OR14J1: variants seen among roughly 807,000 people sequenced by gnomAD.
The protein encoded by OR14J1 is olfactory receptor family 14 subfamily J member 1.
For synonymous variants in OR14J1, 140 were observed against 146.7 expected (o/e 0.95, Z 0.33); for missense variants, 378 against 393.4 (o/e 0.96, Z 0.33).
chr6:29,303,134 A>G (rs1203142441), intron 1 of OR14J1, among the ~76,000 whole-genome samples: 1 of 152,268 alleles, frequency 6.6e-6, no homozygotes, highest in Non-Finnish European at 1.5e-5. Flanking sequence ...GTAGTGCTCG[A>G]AACAGCAGAC....
At chr6:29,301,829 T>G (rs1161939896) in intron 1 of OR14J1, 42 bp downstream of exon 1, 3 of 152,166 alleles carry the variant, frequency 2.0e-5, no homozygotes, top group Non-Finnish European at 4.4e-5. Context: ...TTATCCAACA[T>G]TTATGTAGCA....
rs1024906904 is a variant in OR14J1 at position 29,309,132 on chromosome 6, T to C, written c.*1477T>C. ...AGTGAGAACATGCAATGTTTAGTTT[T>C]ATGTTCTTGTGTTAGTTTGCTGAGA... On this transcript the variant is annotated 3_prime_UTR_variant, in exon 2 of 2. Coordinates refer to ENST00000641895, the MANE Select transcript of OR14J1 (RefSeq NM_030946.2). The C allele has an allele frequency of 2.6e-5, 4 of 152,242 alleles. No homozygotes were observed. The highest frequency in any genetic ancestry group is 7.2e-5 in the African/African-American group (3 of 41,460). The allele number at this position is 152,242 out of a possible 1,614,324, so 9.4% of individuals were successfully genotyped here. A position where few individuals can be genotyped will look rare whatever the true frequency, so the allele number is the denominator to read the frequency against.
chr6:29,307,665 C>G lies in OR14J1; in HGVS notation c.*10C>G. On this transcript the variant is annotated 3_prime_UTR_variant, in exon 2 of 2. Coordinates refer to ENST00000641895, the MANE Select transcript of OR14J1 (RefSeq NM_030946.2). ...CATGTTTAAACTCTGAAGAACCATA[C>G]AAATGAAAGGCATTGTTATTATGTT... 1 of 1,434,154 alleles carries G rather than the reference C, an allele frequency of 7.0e-7. No individual in the cohort carries two copies. The highest frequency in any genetic ancestry group is 1.8e-4 in the Middle Eastern group (1 of 5,626). 88.8% of individuals were successfully genotyped at this position (1,434,154 alleles called of 1,614,324 possible). A position where few individuals can be genotyped will look rare whatever the true frequency, so the allele number is the denominator to read the frequency against.
At position 29,308,209 on chromosome 6, in the gene OR14J1, T is replaced by C. The variant is rs999879697; in HGVS notation, c.*554T>C. ...GAACAATAAATTTAGGAAGGATTAG[T>C]TAATTTTCCTGAGATTTCTCAAATA... On this transcript the variant is annotated 3_prime_UTR_variant, in exon 2 of 2. Transcript: ENST00000641895. The C allele has an allele frequency of 1.3e-5, 2 of 152,156 alleles. No individual in the cohort carries two copies. The highest frequency in any genetic ancestry group is 4.8e-5 in the African/African-American group (2 of 41,454). The allele number at this position is 152,156 out of a possible 1,614,324, so 9.4% of individuals were successfully genotyped here.
chr6:29,302,159 A>ATTTTTTTCT (rs1554296971), intron 1 of OR14J1, among the ~76,000 whole-genome samples: 4 of 115,576 alleles, frequency 3.5e-5, no homozygotes, highest in East Asian at 4.9e-4. Flanking sequence ...ATGAGGGGAG[A>ATTTTTTTCT]TTTTTTTTCT....
At chr6:29,302,635 T>C (rs2151187274) in intron 1 of OR14J1, among the ~76,000 whole-genome samples, 1 of 152,236 alleles carries the variant, frequency 6.6e-6, no homozygotes, top group East Asian at 1.9e-4. Context: ...GTTAGAGAAG[T>C]CACAATGATA....
At chr6:29,301,991 A>G (rs1370754053) in intron 1 of OR14J1, among the ~76,000 whole-genome samples, 5 of 152,144 alleles carry the variant, frequency 3.3e-5, no homozygotes, top group African/African-American at 1.2e-4. Context: ...TATAAAGCAT[A>G]AAAAAGTTAG....
Position 29,310,531 on chromosome 6 carries a change from T to C in OR14J1, c.*2876T>C, listed in dbSNP as rs1192154265. 6.6e-6 allele frequency: 1 copy of C among 152,234 alleles called. No individual in the cohort carries two copies. The highest frequency in any genetic ancestry group is 1.5e-5 in the Non-Finnish European group (1 of 68,048). The allele number at this position is 152,234 out of a possible 1,614,324, so 9.4% of individuals were successfully genotyped here. On this transcript the variant is annotated 3_prime_UTR_variant, in exon 2 of 2. Coordinates refer to ENST00000641895, the MANE Select transcript of OR14J1 (RefSeq NM_030946.2). The stretch of plus-strand genomic sequence containing the variant: ...GTTACTGTAGCTTTGTAGTATACTT[T>C]GAAGTCAGGTAGCATGATGCTTCCA...
At chr6:29,303,440 A>G (rs1292541871) in intron 1 of OR14J1, among the ~76,000 whole-genome samples, 1 of 149,444 alleles carries the variant, frequency 6.7e-6, no homozygotes, top group Non-Finnish European at 1.5e-5. Flanking sequence ...TAAAAACAAA[A>G]TAGAAAGAGT....
chr6:29,305,130 A>C (rs1244819068), intron 1 of OR14J1, among the ~76,000 whole-genome samples: 1 of 152,198 alleles, frequency 6.6e-6, no homozygotes, highest in Non-Finnish European at 1.5e-5. Context: ...GCCATGAAGC[A>C]GGGGATGTGA....
Position 29,310,966 on chromosome 6 carries a change from C to G in OR14J1, c.*3311C>G, listed in dbSNP as rs959271884. 6.6e-6 allele frequency: 1 copy of G among 152,060 alleles called. No individual in the cohort carries two copies. The highest frequency in any genetic ancestry group is 2.4e-5 in the African/African-American group (1 of 41,404). The allele number at this position is 152,060 out of a possible 1,614,324, so 9.4% of individuals were successfully genotyped here. On this transcript the variant is annotated 3_prime_UTR_variant, in exon 2 of 2. Transcript: ENST00000641895. ...GGTTTTTGCACATTGATTTTGTATC[C>G]TGAGACTTTGCTGAAATTGCTTATA...
chr6:29,303,577 C>G (rs974152678), intron 1 of OR14J1, among the ~76,000 whole-genome samples: 2 of 152,054 alleles, frequency 1.3e-5, no homozygotes, highest in African/African-American at 2.4e-5. Context: ...AGAATGATAC[C>G]CTATTCTGCT....
chr6:29,306,546 A>G lies in OR14J1; in HGVS notation c.-28-116A>G, dbSNP rs182157463. The stretch of plus-strand genomic sequence containing the variant: ...TTGAATTGAATATTAACTAATCGCA[A>G]TGAAAATAAATTCATCTCATTTCAG... On this transcript the variant is annotated intron_variant, in intron 1 of 1. Coordinates refer to ENST00000641895, the MANE Select transcript of OR14J1 (RefSeq NM_030946.2). 3.5e-4 allele frequency: 232 copies of G among 661,938 alleles called. 1 individual carries two copies. In the East Asian group the frequency reaches 3.6e-3, roughly 10 times the overall value. 41.0% of individuals were successfully genotyped at this position (661,938 alleles called of 1,614,324 possible). A position where few individuals can be genotyped will look rare whatever the true frequency, so the allele number is the denominator to read the frequency against.
At chr6:29,304,308 C>T (rs1288000894) in intron 1 of OR14J1, among the ~76,000 whole-genome samples, 1 of 151,914 alleles carries the variant, frequency 6.6e-6, no homozygotes, top group South Asian at 2.1e-4. Flanking sequence ...AGGGTTTCAA[C>T]ATATGAGAGG....
At chr6:29,306,382 T>C (rs545232179) in intron 1 of OR14J1, among the ~76,000 whole-genome samples, 3 of 152,342 alleles carry the variant, frequency 2.0e-5, no homozygotes, top group South Asian at 2.1e-4. Flanking sequence ...ATCATTTTCA[T>C]TGACTTTATT....
Position 29,307,342 on chromosome 6 carries a change from G to A in OR14J1, c.653G>A (p.Arg218His), listed in dbSNP as rs150501526. 6.8e-5 allele frequency: 109 copies of A among 1,612,988 alleles called. 1 individual carries two copies. In the South Asian group the frequency reaches 9.6e-4, roughly 14 times the overall value. ...ATCTCCATTGTGCTCTCCTACATTC[G>A]CATCTTCTCTACAGTGCTGAGAATC... is the stretch of plus-strand genomic sequence containing the variant. ...CLISIVLSYI[R>H]IFSTVLRIPS... Residue 218 changes from arginine (R) to histidine (H), a missense_variant, in exon 2 of 2, where the codon CGC (arginine) becomes CAC (histidine). Physicochemically the swap from Arg to His is conservative, Grantham distance 29. Coordinates refer to ENST00000641895, the MANE Select transcript of OR14J1 (RefSeq NM_030946.2).
rs917280686 is a variant in OR14J1, at chr6:29,309,279, A to G, written c.*1624A>G. The G allele has an allele frequency of 6.6e-6, 1 of 152,146 alleles. No homozygotes were observed. Among genetic ancestry groups the G allele is most frequent in the Non-Finnish European group, 1.5e-5 (1 of 68,042 alleles). 9.4% of individuals were successfully genotyped at this position (152,146 alleles called of 1,614,324 possible). On this transcript the variant is annotated 3_prime_UTR_variant, in exon 2 of 2. Coordinates refer to ENST00000641895, the MANE Select transcript of OR14J1 (RefSeq NM_030946.2). ...GTGCCACCTTTTCTTTATCCAGTGT[A>G]TTATTGATGGGCATTTGGGTTGGTT...
chr6:29,306,940 T>G lies in OR14J1; in HGVS notation c.251T>G (p.Leu84Arg). 1 of 1,613,130 alleles carries G rather than the reference T, an allele frequency of 6.2e-7. No homozygotes were observed. Among genetic ancestry groups the G allele is most frequent in the Non-Finnish European group, 8.5e-7 (1 of 1,180,044 alleles). ...VTVPQSIANS[L>R]MGNGYISLVQ... ...GTCCCCCAGTCCATTGCAAATTCAC[T>G]TATGGGCAACGGTTACATTTCTCTT... The change falls in exon 2 of 2, where the codon CTT (leucine) becomes CGT (arginine). Residue 84 changes from leucine (L) to arginine (R), a missense_variant. Physicochemically the swap from Leu to Arg is moderately radical, Grantham distance 102. Coordinates refer to ENST00000641895, the MANE Select transcript of OR14J1 (RefSeq NM_030946.2).
intron 1 of OR14J1, among the ~76,000 whole-genome samples, chr6:29,303,178 C>T (rs1297851120): frequency 6.6e-6 from 1 of 152,226 alleles, no homozygotes; most frequent in Non-Finnish European, 1.5e-5. Flanking sequence ...AATAGTTAAT[C>T]TGTCTTCTTT....
Sources: allele counts gnomAD v4.1 joint callset (sites outside exome capture counted in the v4.1 genomes callset), GRCh38; gene constraint gnomAD v4.1.1; transcripts MANE v1.5; gene names NCBI Gene and HGNC (gene_info 2026-07-23, HGNC 2026-07-21).